EXT1: variants seen among roughly 807,000 people sequenced by gnomAD.
EXT1 encodes the protein exostosin glycosyltransferase 1.
Under a neutral mutation model 82.5 loss-of-function variants are expected in EXT1, and 20 were observed. That is an observed-to-expected ratio of 0.24 (90% confidence interval 0.17 to 0.35). EXT1 has a LOEUF of 0.35. Ranked by LOEUF, EXT1 falls within the 10% of genes least tolerant of loss-of-function variation. The probability of loss-of-function intolerance (pLI) is 1.00; values close to 1 mark genes in which losing one functional copy is unlikely to be tolerated. For synonymous variants in EXT1, 348 were observed against 350.8 expected (o/e 0.99, Z 0.09); for missense variants, 757 against 936.5 (o/e 0.81, Z 2.50).
At chr8:117,895,493 T>A (rs1813318949) in intron 1 of EXT1, among the ~76,000 whole-genome samples, 1 of 152,264 alleles carries the variant, frequency 6.6e-6, no homozygotes, top group African/African-American at 2.4e-5. Flanking sequence ...CTAAGTAGTT[T>A]CAAGCACTCA....
intron 1 of EXT1, among the ~76,000 whole-genome samples, chr8:118,095,762 C>T (rs1789792466): frequency 6.6e-6 from 1 of 152,186 alleles, no homozygotes; most frequent in African/African-American, 2.4e-5. Context: ...ATGATTGTCA[C>T]CAAATCTGAA....
rs1823133508 is a variant in EXT1, at chr8:117,799,637, G to C, written c.*75C>G. ...GCACAATCTGGCTCTGCTGATGAGT[G>C]GATCTGCACTGGGAAGAGAGAGCAG... On this transcript the variant is annotated 3_prime_UTR_variant, in exon 11 of 11. Transcript: ENST00000378204. 1.1e-5 allele frequency: 17 copies of C among 1,528,774 alleles called. No individual in the cohort carries two copies. Among genetic ancestry groups the C allele is most frequent in the Non-Finnish European group, 1.3e-5 (14 of 1,103,132 alleles). The allele number at this position is 1,528,774 out of a possible 1,614,324, so 94.7% of individuals were successfully genotyped here. A position where few individuals can be genotyped will look rare whatever the true frequency, so the allele number is the denominator to read the frequency against.
intron 1 of EXT1, among the ~76,000 whole-genome samples, chr8:117,957,527 C>T (rs1246809074): frequency 3.3e-5 from 5 of 152,188 alleles, no homozygotes. Flanking sequence ...AAGCCCTTGG[C>T]ACGGGCCTGG....
At chr8:118,055,187 T>C (rs1816776480) in intron 1 of EXT1, among the ~76,000 whole-genome samples, 3 of 152,196 alleles carry the variant, frequency 2.0e-5, no homozygotes, top group African/African-American at 7.2e-5. Context: ...CTGTCTCCTG[T>C]CATTGTACAT....
intron 1 of EXT1, among the ~76,000 whole-genome samples, chr8:117,976,141 T>C (rs2129753702): frequency 6.6e-6 from 1 of 152,328 alleles, no homozygotes; most frequent in East Asian, 1.9e-4. Flanking sequence ...ATTAGAGCTA[T>C]TTCTCTATCA....
At position 118,111,224 on chromosome 8, in the gene EXT1, T is replaced by C. The variant is rs1817897604; in HGVS notation, c.-178A>G. 4.8e-6 allele frequency: 4 copies of C among 841,136 alleles called. No individual in the cohort carries two copies. Among genetic ancestry groups the C allele is most frequent in the African/African-American group, 1.7e-5 (1 of 59,408 alleles). 52.1% of individuals were successfully genotyped at this position (841,136 alleles called of 1,614,324 possible). ...GGACTGATCCAGCGCATGTGGGCGA[T>C]TTCTTTAACTTTCTCCCCTTCGGTC... On this transcript the variant is annotated 5_prime_UTR_variant, in exon 1 of 11. Coordinates refer to ENST00000378204, the MANE Select transcript of EXT1 (RefSeq NM_000127.3).
chr8:117,972,559 C>T (rs1814964664), intron 1 of EXT1, among the ~76,000 whole-genome samples: 1 of 152,194 alleles, frequency 6.6e-6, no homozygotes, highest in Non-Finnish European at 1.5e-5. Flanking sequence ...CACTCACGCA[C>T]ACATACTATG....
intron 1 of EXT1, among the ~76,000 whole-genome samples, chr8:118,071,523 TA>T (rs1356581456): frequency 9.0e-6 from 1 of 111,554 alleles, no homozygotes; most frequent in African/African-American, 3.5e-5. Context: ...GCAAAAGTAG[TA>T]GGGGGGCAGG....
At chr8:117,889,401 G>T (rs888074735) in intron 1 of EXT1, among the ~76,000 whole-genome samples, 4 of 152,036 alleles carry the variant, frequency 2.6e-5, no homozygotes, top group Admixed American at 2.6e-4. Context: ...TTAGCTCAGG[G>T]ACTCTCTGCT....
chr8:118,056,009 C>G (rs557173285), intron 1 of EXT1, among the ~76,000 whole-genome samples: 1 of 152,036 alleles, frequency 6.6e-6, no homozygotes, highest in Non-Finnish European at 1.5e-5. Flanking sequence ...CTGGGCCACA[C>G]TGGAAGAAGA....
intron 1 of EXT1, among the ~76,000 whole-genome samples, 197 bp downstream of exon 1, chr8:118,109,888 G>T (rs1038613025): frequency 1.3e-5 from 2 of 152,162 alleles, no homozygotes; most frequent in African/African-American, 4.8e-5. Flanking sequence ...AGGCTTTTCA[G>T]TTTGCCCGAG....
intron 1 of EXT1, among the ~76,000 whole-genome samples, chr8:118,008,456 T>C (rs1267291299): frequency 6.6e-6 from 1 of 152,090 alleles, no homozygotes; most frequent in Non-Finnish European, 1.5e-5. Context: ...AGACAGGGTT[T>C]CAGCAGGTTG....
chr8:118,075,704 G>A (rs1206020200), intron 1 of EXT1, among the ~76,000 whole-genome samples: 1 of 152,134 alleles, frequency 6.6e-6, no homozygotes, highest in Non-Finnish European at 1.5e-5. Context: ...GCATGGCAGT[G>A]GCATCTGCTC....
At chr8:118,100,560 T>A (rs1363429556) in intron 1 of EXT1, among the ~76,000 whole-genome samples, 1 of 152,042 alleles carries the variant, frequency 6.6e-6, no homozygotes, top group Non-Finnish European at 1.5e-5. Flanking sequence ...CCATCCTGGC[T>A]AACACGGTGA....
chr8:118,032,090 T>C (rs1816332311), intron 1 of EXT1, among the ~76,000 whole-genome samples: 1 of 146,726 alleles, frequency 6.8e-6, no homozygotes, highest in African/African-American at 2.5e-5. Context: ...GTCGTTAAGG[T>C]TGGTGCAAAA....
At chr8:118,020,231 T>C (rs1736337936) in intron 1 of EXT1, among the ~76,000 whole-genome samples, 1 of 152,206 alleles carries the variant, frequency 6.6e-6, no homozygotes, top group Admixed American at 6.5e-5. Context: ...CTGGCCTCAG[T>C]TCCTACAGAC....
At chr8:117,995,070 G>A (rs1815508617) in intron 1 of EXT1, among the ~76,000 whole-genome samples, 1 of 152,082 alleles carries the variant, frequency 6.6e-6, no homozygotes, top group South Asian at 2.1e-4. Flanking sequence ...CCTAACTATG[G>A]GTTCTCACCA....
intron 1 of EXT1, among the ~76,000 whole-genome samples, chr8:118,052,360 T>C (rs17476812): frequency 0.021 from 3,131 of 152,370 alleles, 114 homozygotes; most frequent in African/African-American, 0.071. Flanking sequence ...TGACAAAATA[T>C]GGATAAACAT....
intron 1 of EXT1, among the ~76,000 whole-genome samples, chr8:117,998,832 G>C (rs1193307738): frequency 1.3e-5 from 2 of 152,170 alleles, no homozygotes; most frequent in Non-Finnish European, 2.9e-5. Flanking sequence ...ACAGAAGTCA[G>C]CACTGCATTC....
Sources: allele counts gnomAD v4.1 joint callset (sites outside exome capture counted in the v4.1 genomes callset), GRCh38; gene constraint gnomAD v4.1.1; transcripts MANE v1.5; gene names NCBI Gene and HGNC (gene_info 2026-07-23, HGNC 2026-07-21).